The following PTPN6 variants were observed in gnomAD, a reference collection of about 807,000 sequenced individuals.
PTPN6 encodes tyrosine-protein phosphatase non-receptor type 6.
In PTPN6, 18 loss-of-function variants were observed where a neutral mutation model predicts 81.5. The ratio of observed to expected loss-of-function variants is 0.22; its 90% confidence interval spans 0.15 to 0.33. The LOEUF is 0.33. Ranked by LOEUF, PTPN6 falls within the 10% of genes least tolerant of loss-of-function variation. The pLI is 1.00. For missense variants in PTPN6, 500 were observed against 794.2 expected, an observed-to-expected ratio of 0.63 and a Z score of 4.45; for synonymous variants, 301 against 310.9, an observed-to-expected ratio of 0.97 and a Z score of 0.33.
intron 11 of PTPN6, among the ~76,000 whole-genome samples, chr12:6,958,699 G>A (rs147139752): frequency 3.5e-4 from 53 of 152,346 alleles, no homozygotes; most frequent in African/African-American, 1.2e-3. Flanking sequence ...AAGGTGCAGA[G>A]GTGGGGGCTG....
At position 6,957,678 on chromosome 12, in the gene PTPN6, G is replaced by A. The variant is rs377517197; in HGVS notation, c.1099G>A (p.Glu367Lys). ...GAACAAATGCGTCCCATACTGGCCCGAGGTGGGCATGCAGCGTGCTTATGG... is the reference window on the plus strand; with the variant it reads ...GAACAAATGCGTCCCATACTGGCCCAAGGTGGGCATGCAGCGTGCTTATGG... Reference protein sequence around the residue: ...GRNKCVPYWPEVGMQRAYGPY... With the variant: ...GRNKCVPYWPKVGMQRAYGPY... Residue 367 changes from glutamate to lysine, a missense_variant, in exon 10 of 16, where the codon GAG (glutamate) becomes AAG (lysine). By Grantham distance (56) the Glu-to-Lys change is moderately conservative (BLOSUM62 1). Coordinates refer to ENST00000318974, the MANE Select transcript of PTPN6 (RefSeq NM_002831.6). The surrounding 1 kb of genome is among the most constrained non-coding windows in gnomAD (Gnocchi z 6.5). The A allele has an allele frequency of 7.6e-5, 99 of 1,296,404 alleles. No homozygotes were observed. The African/African-American group carries it at 8.3e-4, about 11-fold the overall frequency. The allele number at this position is 1,296,404 out of a possible 1,614,324, so 80.3% of individuals were successfully genotyped here.
In PTPN6 at chr12:6,960,908, C is replaced by G. The variant is rs2138287932; in HGVS notation, c.1776C>G (p.Leu592=). Reference sequence around the variant, plus strand: ...ACAAGGAGAAGAGCAAGGGTTCCCTCAAGAGGAAGTGAGCGGTGCTGTCCT... The same window carrying G: ...ACAAGGAGAAGAGCAAGGGTTCCCTGAAGAGGAAGTGAGCGGTGCTGTCCT... ...SADKEKSKGS[L]KRK Residue 592 remains leucine (L), a synonymous_variant, in exon 15 of 16, where the codon CTC becomes CTG. Transcript: ENST00000318974. This position sits in a 1 kb window ranked among gnomAD's most constrained non-coding sequence, Gnocchi z 6.1. The G allele has an allele frequency of 6.4e-7, 1 of 1,570,034 alleles. No homozygotes were observed. Among genetic ancestry groups the G allele is most frequent in the East Asian group, 2.4e-5 (1 of 42,512 alleles).
chr12:6,959,445 C>T lies in PTPN6; in HGVS notation c.1362-482C>T, dbSNP rs11608598. 72,670 of 248,730 alleles carry T rather than the reference C, an allele frequency of 0.29. 13,178 individuals carry two copies. The highest frequency in any genetic ancestry group is 0.39 in the Non-Finnish European group (48,530 of 122,976). The allele number at this position is 248,730 out of a possible 1,614,324, so 15.4% of individuals were successfully genotyped here. A position where few individuals can be genotyped will look rare whatever the true frequency, so the allele number is the denominator to read the frequency against. On this transcript the variant is annotated intron_variant, in intron 11 of 15. Coordinates refer to ENST00000318974, the MANE Select transcript of PTPN6 (RefSeq NM_002831.6). The surrounding 1 kb of genome is among the most constrained non-coding windows in gnomAD (Gnocchi z 6.6). The stretch of plus-strand genomic sequence containing the variant: ...CCTACTGCACTGCTCCCCTGAGTCC[C>T]CTGACCCTGTGCCCCCGCACCCTGC...
chr12:6,955,115 C>T lies in PTPN6; in HGVS notation c.517-36C>T. On this transcript the variant is annotated intron_variant, in intron 4 of 15. Coordinates refer to ENST00000318974, the MANE Select transcript of PTPN6 (RefSeq NM_002831.6). The surrounding 1 kb of genome is among the most constrained non-coding windows in gnomAD (Gnocchi z 7.2). ...GGCTGGGGACCCAGGGAGGGAGACT[C>T]AAGTCCTGTGAATGGCCTAATTTGG... 2.5e-6 allele frequency: 4 copies of T among 1,611,334 alleles called. No homozygotes were observed. Among genetic ancestry groups the T allele is most frequent in the Non-Finnish European group, 3.4e-6 (4 of 1,177,476 alleles).
In PTPN6 at chr12:6,952,365, C is replaced by T; in HGVS notation, c.326+188C>T. 1.4e-6 allele frequency: 1 copy of T among 689,966 alleles called. No homozygotes were observed. The highest frequency in any genetic ancestry group is 2.4e-6 in the Non-Finnish European group (1 of 410,454). 42.7% of individuals were successfully genotyped at this position (689,966 alleles called of 1,614,324 possible). A position where few individuals can be genotyped will look rare whatever the true frequency, so the allele number is the denominator to read the frequency against. ...GGGACCTGGTGTCTCAGAGCCTAAC[C>T]TACCACCCTTTCCACCTAACCCCGA... On this transcript the variant is annotated intron_variant, in intron 3 of 15. Coordinates refer to ENST00000318974, the MANE Select transcript of PTPN6 (RefSeq NM_002831.6). This position sits in a 1 kb window ranked among gnomAD's most constrained non-coding sequence, Gnocchi z 8.1.
chr12:6,946,860 G>GT, upstream of PTPN6: 1 of 1,148,130 alleles, frequency 8.7e-7, no homozygotes, highest in Non-Finnish European at 1.3e-6. Context: ...CCCTGCGCCT[G>GT]TTTCCGGTCC....
Position 6,952,304 on chromosome 12 carries a change from G to T in PTPN6, c.326+127G>T. On this transcript the variant is annotated intron_variant, in intron 3 of 15. Coordinates refer to ENST00000318974, the MANE Select transcript of PTPN6 (RefSeq NM_002831.6). This position sits in a 1 kb window ranked among gnomAD's most constrained non-coding sequence, Gnocchi z 8.1. Reference sequence around the variant, plus strand: ...TCCATCCCCTCCCCTCCCTGCACCAGCTGGGGCTCTCAATGTCCCTCCTCC... The same window carrying T: ...TCCATCCCCTCCCCTCCCTGCACCATCTGGGGCTCTCAATGTCCCTCCTCC... 9.2e-7 allele frequency: 1 copy of T among 1,085,902 alleles called. No homozygotes were observed. Among genetic ancestry groups the T allele is most frequent in the South Asian group, 1.3e-5 (1 of 75,392 alleles). 67.3% of individuals were successfully genotyped at this position (1,085,902 alleles called of 1,614,324 possible).
At position 6,957,215 on chromosome 12, in the gene PTPN6, C is replaced by T. The variant is rs1274788220; in HGVS notation, c.1075-439C>T. Reference sequence around the variant, plus strand: ...CTCGTTTTTGAAGACACAGCCGGAGCGCTGCCTCCTCTGTGAATCCAGGTC... The same window carrying T: ...CTCGTTTTTGAAGACACAGCCGGAGTGCTGCCTCCTCTGTGAATCCAGGTC... On this transcript the variant is annotated intron_variant, in intron 9 of 15. Transcript: ENST00000318974. This position sits in a 1 kb window ranked among gnomAD's most constrained non-coding sequence, Gnocchi z 6.5. 1.3e-5 allele frequency among the ~76,000 whole-genome samples: 2 copies of T among 152,218 alleles called. No homozygotes were observed. Among genetic ancestry groups the T allele is most frequent in the Non-Finnish European group, 2.9e-5 (2 of 68,040 alleles).
chr12:6,954,473 G>A lies in PTPN6; in HGVS notation c.327-332G>A, dbSNP rs1945984971. Among the ~76,000 whole-genome samples, 1 of 152,224 alleles carries A rather than the reference G, an allele frequency of 6.6e-6. No individual in the cohort carries two copies. The highest frequency in any genetic ancestry group is 1.5e-5 in the Non-Finnish European group (1 of 68,034). On this transcript the variant is annotated intron_variant, in intron 3 of 15. Coordinates refer to ENST00000318974, the MANE Select transcript of PTPN6 (RefSeq NM_002831.6). The surrounding 1 kb of genome is among the most constrained non-coding windows in gnomAD (Gnocchi z 5.4). ...TGGAGGCTAGGATGGCTTGAACCTGGGAGGTCGAGGCTGCAGAGAGCTGTA... is the reference window on the plus strand; with the variant it reads ...TGGAGGCTAGGATGGCTTGAACCTGAGAGGTCGAGGCTGCAGAGAGCTGTA...
chr12:6,957,502 G>A lies in PTPN6; in HGVS notation c.1075-152G>A, dbSNP rs1479929620. Reference sequence around the variant, plus strand: ...CACCTGTTGGTGGTTGATCTGAGACGAGAGCCCAGGTCTCCTGCCTCTCTG... The same window carrying A: ...CACCTGTTGGTGGTTGATCTGAGACAAGAGCCCAGGTCTCCTGCCTCTCTG... On this transcript the variant is annotated intron_variant, in intron 9 of 15. Coordinates refer to ENST00000318974, the MANE Select transcript of PTPN6 (RefSeq NM_002831.6). The surrounding 1 kb of genome is among the most constrained non-coding windows in gnomAD (Gnocchi z 6.5). The A allele has an allele frequency of 1.2e-5, 12 of 1,038,454 alleles. No homozygotes were observed. Among genetic ancestry groups the A allele is most frequent in the Admixed American group, 4.1e-5 (2 of 48,616 alleles). The allele number at this position is 1,038,454 out of a possible 1,614,324, so 64.3% of individuals were successfully genotyped here.
In PTPN6 at chr12:6,955,874, A is replaced by T; in HGVS notation, c.844+118A>T. On this transcript the variant is annotated intron_variant, in intron 7 of 15. Coordinates refer to ENST00000318974, the MANE Select transcript of PTPN6 (RefSeq NM_002831.6). The surrounding 1 kb of genome is among the most constrained non-coding windows in gnomAD (Gnocchi z 7.2). ...GGGGCCATCTCCCCACACCCCCCAC[A>T]GAGCCTCCCCCTTCTCCAAAAGGCC... is the stretch of plus-strand genomic sequence containing the variant. 1 of 909,892 alleles carries T rather than the reference A, an allele frequency of 1.1e-6. No homozygotes were observed. The highest frequency in any genetic ancestry group is 1.4e-5 in the South Asian group (1 of 72,338). 56.4% of individuals were successfully genotyped at this position (909,892 alleles called of 1,614,324 possible). A position where few individuals can be genotyped will look rare whatever the true frequency, so the allele number is the denominator to read the frequency against.
Position 6,954,689 on chromosome 12 carries a change from G to T in PTPN6, c.327-116G>T, listed in dbSNP as rs1392390805. 3.0e-6 allele frequency: 3 copies of T among 1,011,302 alleles called. No homozygotes were observed. The African/African-American group carries it at 4.8e-5, about 16-fold the overall frequency. The allele number at this position is 1,011,302 out of a possible 1,614,324, so 62.6% of individuals were successfully genotyped here. On this transcript the variant is annotated intron_variant, in intron 3 of 15. Transcript: ENST00000318974. The surrounding 1 kb of genome is among the most constrained non-coding windows in gnomAD (Gnocchi z 5.4). ...GAGGTGGTGGATTTGGAAGCATGTA[G>T]CGCAGTGCCTGGCACACAGTAGGTG...
chr12:6,949,573 A>T (rs1417931134), upstream of PTPN6, among the ~76,000 whole-genome samples: 1 of 152,152 alleles, frequency 6.6e-6, no homozygotes, highest in Non-Finnish European at 1.5e-5. Flanking sequence ...TGGGTGAATA[A>T]CACCTACTAA....
chr12:6,960,626 G>A lies in PTPN6; in HGVS notation c.1674-180G>A, dbSNP rs1055446717. 5.5e-5 allele frequency: 84 copies of A among 1,522,468 alleles called. No homozygotes were observed. The highest frequency in any genetic ancestry group is 2.8e-4 in the Admixed American group (14 of 50,814). 94.3% of individuals were successfully genotyped at this position (1,522,468 alleles called of 1,614,324 possible). On this transcript the variant is annotated intron_variant, in intron 14 of 15. Transcript: ENST00000318974. The surrounding 1 kb of genome is among the most constrained non-coding windows in gnomAD (Gnocchi z 6.1). ...TGTGGGCCTCTGCTAGGTACCAGCA[G>A]CGCACTCGTGTATGAGATGTAGCCT...
chr12:6,959,951 C>T lies in PTPN6; in HGVS notation c.1386C>T (p.Thr462=), dbSNP rs782790394. The change falls in exon 12 of 16, where the codon ACC becomes ACT. Residue 462 remains threonine (T), a synonymous_variant. Coordinates refer to ENST00000318974, the MANE Select transcript of PTPN6 (RefSeq NM_002831.6). This position sits in a 1 kb window ranked among gnomAD's most constrained non-coding sequence, Gnocchi z 6.6. The stretch of plus-strand genomic sequence containing the variant: ...GCGCCGGCATCGGCCGCACAGGCAC[C>T]ATCATTGTCATCGACATGCTCATGG... The part of the protein sequence containing the change: ...HCSAGIGRTG[T]IIVIDMLMEN... 1 of 1,591,432 alleles carries T rather than the reference C, an allele frequency of 6.3e-7. No individual in the cohort carries two copies. Among genetic ancestry groups the T allele is most frequent in the South Asian group, 1.1e-5 (1 of 90,662 alleles).
intron 11 of PTPN6, 118 bp downstream of exon 11, chr12:6,958,191 C>A (rs1445981740): frequency 6.5e-6 from 9 of 1,393,800 alleles, no homozygotes; most frequent in Non-Finnish European, 8.8e-6. Context: ...CTCCGCTCAC[C>A]CCCGGCTTCT....
chr12:6,946,957 A>G (rs1156630438), upstream of PTPN6, among the ~76,000 whole-genome samples: 1 of 152,132 alleles, frequency 6.6e-6, no homozygotes, highest in African/African-American at 2.4e-5. Context: ...CCCCTGGACA[A>G]GTGTGTATCT....
chr12:6,955,000 G>T lies in PTPN6; in HGVS notation c.516+6G>T. On this transcript the variant is annotated splice_donor_region_variant and intron_variant, in intron 4 of 15. Coordinates refer to ENST00000318974, the MANE Select transcript of PTPN6 (RefSeq NM_002831.6). The surrounding 1 kb of genome is among the most constrained non-coding windows in gnomAD (Gnocchi z 5.4). ...ACATCAAGGTCATGTGCGAGGTAAG[G>T]CAGCCAGGCGGCGGGGGAGCCTCTG... The T allele has an allele frequency of 1.2e-6, 2 of 1,614,076 alleles. No homozygotes were observed. The highest frequency in any genetic ancestry group is 1.7e-6 in the Non-Finnish European group (2 of 1,180,022).
rs879951383 is a variant in PTPN6, at chr12:6,955,538, T to C, written c.747+53T>C. On this transcript the variant is annotated intron_variant, in intron 6 of 15. Coordinates refer to ENST00000318974, the MANE Select transcript of PTPN6 (RefSeq NM_002831.6). This position sits in a 1 kb window ranked among gnomAD's most constrained non-coding sequence, Gnocchi z 7.2. ...GGCAGCTGAGGTGGTGGCAGCGGCCTGGGGCCCCAGGCGGACACCTTCCCC... is the reference window on the plus strand; with the variant it reads ...GGCAGCTGAGGTGGTGGCAGCGGCCCGGGGCCCCAGGCGGACACCTTCCCC... The C allele has an allele frequency of 2.5e-5, 39 of 1,590,940 alleles. No individual in the cohort carries two copies. In the Admixed American group the frequency reaches 3.0e-4, roughly 12 times the overall value.
Sources: gnomAD v4.1 joint callset for allele counts (sites outside exome capture counted in the v4.1 genomes callset) on GRCh38, gnomAD v4.1.1 for gene constraint, Gnocchi (gnomAD v3.1) non-coding constraint, MANE v1.5 for transcripts, NCBI Gene and HGNC (gene_info 2026-07-23, HGNC 2026-07-21) for gene names.